KCNIP4: variants seen among roughly 807,000 people sequenced by gnomAD.
KCNIP4 encodes Kv channel-interacting protein 4.
Under a neutral mutation model 34.0 loss-of-function variants are expected in KCNIP4, and 12 were observed. That is an observed-to-expected ratio of 0.35 (90% CI 0.23 to 0.57). KCNIP4 has a LOEUF of 0.57. Ranked by LOEUF, KCNIP4 falls within the 20% of genes least tolerant of loss-of-function variation. The probability of loss-of-function intolerance (pLI) is 0.83; values close to 1 mark genes in which losing one functional copy is unlikely to be tolerated. For missense variants in KCNIP4, 238 were observed against 311.7 expected, an observed-to-expected ratio of 0.76 and a Z score of 1.78; for synonymous variants, 124 against 102.2, an observed-to-expected ratio of 1.21 and a Z score of -1.29.
rs566812230 is a variant in KCNIP4 at position 21,181,284 on chromosome 4, T to C, written c.62-298575A>G. Among the ~76,000 whole-genome samples the C allele has an allele frequency of 1.6e-4, 24 of 152,240 alleles. No homozygotes were observed. In the South Asian group the frequency reaches 2.5e-3, roughly 16 times the overall value. On this transcript the variant is annotated intron_variant, in intron 1 of 8. Coordinates refer to ENST00000382152, the MANE Select transcript of KCNIP4 (RefSeq NM_025221.6). ...ATTTGATTAAGTGTCCTTGATTTGA[T>C]TAAGTGTCCATGCTTGGCTCCAAAC...
chr4:21,701,016 CAAAT>C (rs1258951670), intron 1 of KCNIP4, among the ~76,000 whole-genome samples: 2 of 152,008 alleles, frequency 1.3e-5, no homozygotes, highest in African/African-American at 2.4e-5. Flanking sequence ...TGTCCATCAA[CAAAT>C]GAATGAATAA....
chr4:21,569,921 T>A (rs541795151), intron 1 of KCNIP4, among the ~76,000 whole-genome samples: 1 of 152,214 alleles, frequency 6.6e-6, no homozygotes, highest in Non-Finnish European at 1.5e-5. Flanking sequence ...GCTGTTTTTT[T>A]ACACATCTCA....
chr4:21,166,166 A>T (rs772886166), intron 1 of KCNIP4, among the ~76,000 whole-genome samples: 135 of 152,330 alleles, frequency 8.9e-4, no homozygotes, highest in Non-Finnish European at 1.6e-3. Flanking sequence ...AGACAGGAAG[A>T]GGAGAAAACT....
intron 1 of KCNIP4, among the ~76,000 whole-genome samples, chr4:20,968,356 G>T (rs867720577): frequency 6.6e-6 from 1 of 152,134 alleles, no homozygotes; most frequent in Non-Finnish European, 1.5e-5. Flanking sequence ...AACCATTGTG[G>T]AAGACAATGT....
intron 1 of KCNIP4, among the ~76,000 whole-genome samples, chr4:21,838,507 G>A (rs1439287790): frequency 6.6e-6 from 1 of 152,152 alleles, no homozygotes; most frequent in Non-Finnish European, 1.5e-5. Flanking sequence ...AACTTCCTTA[G>A]TGAATTTCTT....
chr4:21,418,149 C>T (rs1208898163), intron 1 of KCNIP4, among the ~76,000 whole-genome samples: 2 of 93,550 alleles, frequency 2.1e-5, no homozygotes, highest in South Asian at 3.2e-4. Flanking sequence ...ATTTGTCTAT[C>T]GATCTACACA....
At chr4:21,217,518 A>G (rs185319611) in intron 1 of KCNIP4, among the ~76,000 whole-genome samples, 1 of 152,318 alleles carries the variant, frequency 6.6e-6, no homozygotes, top group East Asian at 1.9e-4. Context: ...GTAGAACCCA[A>G]CTTATAAAGT....
At chr4:21,194,368 C>A (rs184141116) in intron 1 of KCNIP4, among the ~76,000 whole-genome samples, 22 of 152,196 alleles carry the variant, frequency 1.4e-4, no homozygotes, top group African/African-American at 1.7e-4. Flanking sequence ...GGTTTATTGA[C>A]GATTGGCCAT....
chr4:21,589,200 ATG>A (rs5856648), intron 1 of KCNIP4, among the ~76,000 whole-genome samples: 6,619 of 31,730 alleles, frequency 0.21, 668 homozygotes, highest in East Asian at 0.33. Flanking sequence ...ATATATATAT[ATG>A]TGTACATATA....
At chr4:21,074,174 C>G (rs1328556111) in intron 1 of KCNIP4, among the ~76,000 whole-genome samples, 2 of 152,154 alleles carry the variant, frequency 1.3e-5, no homozygotes, top group East Asian at 3.9e-4. Context: ...GGAGGATTCC[C>G]TCTTTTTCTT....
intron 1 of KCNIP4, among the ~76,000 whole-genome samples, chr4:21,331,446 T>G (rs917036244): frequency 6.6e-6 from 1 of 152,160 alleles, no homozygotes; most frequent in Non-Finnish European, 1.5e-5. Flanking sequence ...TGCAAGTATA[T>G]ATTTTGTATC....
chr4:20,827,032 T>C (rs59668616), intron 3 of KCNIP4, among the ~76,000 whole-genome samples: 1,983 of 152,276 alleles, frequency 0.013, 56 homozygotes, highest in African/African-American at 0.045. Flanking sequence ...CCCCTTCTCT[T>C]GAAGCTGGGA....
intron 1 of KCNIP4, among the ~76,000 whole-genome samples, chr4:21,883,589 G>T (rs1194022031): frequency 6.6e-6 from 1 of 152,098 alleles, no homozygotes; most frequent in African/African-American, 2.4e-5. Flanking sequence ...TAAAAGCAAA[G>T]AACTTACTTT....
At chr4:21,371,864 T>C (rs923360370) in intron 1 of KCNIP4, among the ~76,000 whole-genome samples, 5 of 147,226 alleles carry the variant, frequency 3.4e-5, no homozygotes, top group Non-Finnish European at 7.4e-5. Flanking sequence ...CTGGAGATAA[T>C]ATAAGAATCA....
intron 1 of KCNIP4, among the ~76,000 whole-genome samples, chr4:21,404,846 A>G (rs1010790696): frequency 2.0e-5 from 3 of 152,218 alleles, no homozygotes; most frequent in African/African-American, 4.8e-5. Flanking sequence ...TGGTAACTAC[A>G]CTATGACATT....
intron 1 of KCNIP4, among the ~76,000 whole-genome samples, chr4:21,426,519 A>G (rs748892436): frequency 6.6e-6 from 1 of 152,236 alleles, no homozygotes; most frequent in Non-Finnish European, 1.5e-5. Flanking sequence ...ACAACAGAAT[A>G]CTTAAATTTT....
intron 1 of KCNIP4, among the ~76,000 whole-genome samples, chr4:21,100,444 T>C (rs1338557911): frequency 4.6e-5 from 7 of 152,094 alleles, no homozygotes; most frequent in Non-Finnish European, 5.9e-5. Flanking sequence ...ACCCAGTTAC[T>C]TGGGAGACTG....
chr4:21,588,339 T>C (rs1741816271), intron 1 of KCNIP4, among the ~76,000 whole-genome samples: 1 of 151,926 alleles, frequency 6.6e-6, no homozygotes, highest in Admixed American at 6.6e-5. Flanking sequence ...GTGAGGAAAG[T>C]CTGAATAAAT....
At chr4:21,924,402 C>T (rs558683998) in intron 1 of KCNIP4, among the ~76,000 whole-genome samples, 2 of 151,906 alleles carry the variant, frequency 1.3e-5, no homozygotes, top group African/African-American at 2.4e-5. Context: ...CACCACCACA[C>T]CTGGCTAATT....
Sources: gnomAD v4.1 joint callset for allele counts (sites outside exome capture counted in the v4.1 genomes callset) on GRCh38, gnomAD v4.1.1 for gene constraint, MANE v1.5 for transcripts, NCBI Gene and HGNC (gene_info 2026-07-23, HGNC 2026-07-21) for gene names.